CSMD1: variants seen among roughly 807,000 people sequenced by gnomAD.
CSMD1 encodes the protein CUB and Sushi multiple domains 1.
In CSMD1, 213 loss-of-function variants were observed where a neutral mutation model predicts 417.5. The ratio of observed to expected loss-of-function variants is 0.51; its 90% CI spans 0.46 to 0.57. The LOEUF (loss-of-function observed/expected upper bound fraction) is 0.57. Among genes scored for constraint, CSMD1 ranks in the 20% least tolerant of loss-of-function variants. CSMD1 has a pLI of 0.00. For missense variants in CSMD1, 6,923 were observed against 4,529.7 expected, an observed-to-expected ratio of 1.53 and a Z score of -15.17; for synonymous variants, 2,862 against 1,736.8, an observed-to-expected ratio of 1.65 and a Z score of -16.11.
chr8:3,828,893 C>G (rs1802209083), intron 5 of CSMD1, among the ~76,000 whole-genome samples: 1 of 152,156 alleles, frequency 6.6e-6, no homozygotes. Context: ...ACCCCATGTT[C>G]ACTGTAGTGG....
At chr8:4,871,171 A>G (rs1802716074) in intron 1 of CSMD1, among the ~76,000 whole-genome samples, 1 of 152,122 alleles carries the variant, frequency 6.6e-6, no homozygotes, top group Non-Finnish European at 1.5e-5. Flanking sequence ...GTAGCATGGG[A>G]TTCATCATGT....
chr8:3,213,508 G>A (rs569125092), intron 30 of CSMD1, among the ~76,000 whole-genome samples: 21 of 152,144 alleles, frequency 1.4e-4, no homozygotes, highest in African/African-American at 4.8e-4. Context: ...CTTCATCACT[G>A]TAGGTTAGTT....
intron 40 of CSMD1, 70 bp from the exon 41 acceptor site, chr8:3,142,744 G>T: frequency 7.8e-7 from 1 of 1,284,558 alleles, no homozygotes; most frequent in South Asian, 1.2e-5. Context: ...CATAAAAAGG[G>T]ACTGAAGTGT....
chr8:3,600,631 C>T (rs751972858), intron 8 of CSMD1, among the ~76,000 whole-genome samples: 6 of 152,126 alleles, frequency 3.9e-5, no homozygotes, highest in South Asian at 2.1e-4. Flanking sequence ...CAGTGGAAAA[C>T]GACTGGTGAC....
At chr8:3,276,458 G>T (rs943242188) in intron 26 of CSMD1, among the ~76,000 whole-genome samples, 2 of 152,192 alleles carry the variant, frequency 1.3e-5, no homozygotes, top group Admixed American at 6.5e-5. Flanking sequence ...GCAGAGAAGA[G>T]AGAGCTTGTG....
chr8:3,158,521 A>C (rs944020397), intron 38 of CSMD1, among the ~76,000 whole-genome samples: 1 of 152,048 alleles, frequency 6.6e-6, no homozygotes, highest in Non-Finnish European at 1.5e-5. Context: ...ACATCCTCAC[A>C]CATCACAACA....
At chr8:3,412,811 T>G (rs995590629) in intron 12 of CSMD1, among the ~76,000 whole-genome samples, 18 of 152,334 alleles carry the variant, frequency 1.2e-4, no homozygotes, top group African/African-American at 3.8e-4. Context: ...TTACTTAAAT[T>G]TAATGCTTGG....
chr8:4,127,017 T>C (rs966127184), intron 3 of CSMD1, among the ~76,000 whole-genome samples: 1 of 152,100 alleles, frequency 6.6e-6, no homozygotes, highest in Non-Finnish European at 1.5e-5. Context: ...GCCTACAAAA[T>C]ATATATACCC....
rs148448365 is a variant in CSMD1 at position 3,810,595 on chromosome 8, G to T, written c.819-56553C>A. Reference sequence around the variant, plus strand: ...GGGTTAGAAGGAGGCTTCTCCGACAGTTCTCCCTTGTCACTGGTGACTCAT... The same window carrying T: ...GGGTTAGAAGGAGGCTTCTCCGACATTTCTCCCTTGTCACTGGTGACTCAT... On this transcript the variant is annotated intron_variant, in intron 5 of 69. Transcript: ENST00000635120. Among the ~76,000 whole-genome samples, 3 of 152,186 alleles carry T rather than the reference G, an allele frequency of 2.0e-5. No homozygotes were observed. The East Asian group carries it at 5.8e-4, about 29-fold the overall frequency.
rs1816312133 is a variant in CSMD1 at position 3,108,740 on chromosome 8, G to A, written c.6617C>T (p.Pro2206Leu). ...VNDYIAVWDG[P>L]DQNSPQLGVF... ...TCCCAGCTGGGGTGAGTTCTGATCG[G>A]GACCGTCCCTAGGAAAGACAGAAAG... The change falls in exon 44 of 70, where the codon CCC becomes CTC. Residue 2206 changes from proline (P) to leucine (L), a missense_variant. Pro to Leu is a moderately conservative substitution (Grantham distance 98). Transcript: ENST00000635120. 1 of 1,611,950 alleles carries A rather than the reference G, an allele frequency of 6.2e-7. No individual in the cohort carries two copies. The highest frequency in any genetic ancestry group is 8.5e-7 in the Non-Finnish European group (1 of 1,178,794).
intron 1 of CSMD1, among the ~76,000 whole-genome samples, chr8:4,755,391 C>A (rs115062496): frequency 1.3e-5 from 2 of 152,132 alleles, no homozygotes; most frequent in African/African-American, 4.8e-5. Flanking sequence ...GCTGCTTTCT[C>A]CTGAAATACT....
intron 5 of CSMD1, among the ~76,000 whole-genome samples, chr8:3,992,420 C>G (rs1554509793): frequency 6.6e-6 from 1 of 151,666 alleles, no homozygotes; most frequent in Non-Finnish European, 1.5e-5. Context: ...GAAGTTAAAA[C>G]AAAAATAAGT....
At chr8:2,972,130 T>A (rs1281893995) in intron 57 of CSMD1, among the ~76,000 whole-genome samples, 1 of 152,084 alleles carries the variant, frequency 6.6e-6, no homozygotes, top group Non-Finnish European at 1.5e-5. Flanking sequence ...TAATGTTACA[T>A]AGATTATATA....
chr8:4,533,168 G>C (rs915002779), intron 2 of CSMD1, among the ~76,000 whole-genome samples: 1 of 152,266 alleles, frequency 6.6e-6, no homozygotes, highest in South Asian at 2.1e-4. Flanking sequence ...TGTTTTCAGG[G>C]TGTACCCACG....
intron 5 of CSMD1, among the ~76,000 whole-genome samples, chr8:3,781,379 G>C (rs941398836): frequency 6.6e-6 from 1 of 152,244 alleles, no homozygotes; most frequent in South Asian, 2.1e-4. Context: ...GCATTCTATA[G>C]AGTTAATGCA....
At chr8:4,146,002 C>G (rs1034042942) in intron 3 of CSMD1, among the ~76,000 whole-genome samples, 1 of 150,862 alleles carries the variant, frequency 6.6e-6, no homozygotes, top group African/African-American at 2.5e-5. Flanking sequence ...GTACCCTGCA[C>G]TAACTAGGTA....
intron 3 of CSMD1, among the ~76,000 whole-genome samples, chr8:4,077,749 A>G (rs939991036): frequency 2.6e-5 from 4 of 152,148 alleles, no homozygotes; most frequent in Non-Finnish European, 4.4e-5. Context: ...TCTTGTCCCA[A>G]TGCTATTGCC....
intron 5 of CSMD1, among the ~76,000 whole-genome samples, chr8:3,758,771 G>T (rs1156628267): frequency 1.3e-5 from 2 of 152,194 alleles, no homozygotes; most frequent in Non-Finnish European, 2.9e-5. Context: ...GACTGTCAAT[G>T]TGTCACCTGA....
intron 37 of CSMD1, among the ~76,000 whole-genome samples, chr8:3,167,424 G>A (rs774787127): frequency 1.3e-5 from 2 of 151,274 alleles, no homozygotes; most frequent in Non-Finnish European, 2.9e-5. Flanking sequence ...TAAATGTGAA[G>A]ACAACATAAA....
Sources: allele counts gnomAD v4.1 joint callset (sites outside exome capture counted in the v4.1 genomes callset), GRCh38; gene constraint gnomAD v4.1.1; transcripts MANE v1.5; gene names NCBI Gene and HGNC (gene_info 2026-07-23, HGNC 2026-07-21).